The following RBFOX1 variants were observed in gnomAD, a reference collection of about 807,000 sequenced individuals.
RBFOX1 encodes RNA binding fox-1 homolog 1.
A neutral mutation model predicts 57.7 loss-of-function variants in RBFOX1; 8 were observed. The ratio of observed to expected loss-of-function variants is 0.14; its 90% CI spans 0.08 to 0.25. RBFOX1 has a LOEUF of 0.25. Ranked by LOEUF, RBFOX1 falls within the 10% of genes least tolerant of loss-of-function variation. RBFOX1 has a pLI of 1.00. For missense variants in RBFOX1, 611 were observed against 548.5 expected (o/e 1.11, Z -1.14); for synonymous variants, 326 against 222.4 (o/e 1.47, Z -4.15).
intron 3 of RBFOX1, among the ~76,000 whole-genome samples, chr16:6,989,197 C>G (rs533799980): frequency 5.3e-5 from 8 of 152,158 alleles, no homozygotes; most frequent in Admixed American, 1.3e-4. Context: ...TGCTTGGCCT[C>G]TTTTTCCGTT....
chr16:7,311,002 G>C (rs538086090), intron 4 of RBFOX1, among the ~76,000 whole-genome samples: 2 of 152,300 alleles, frequency 1.3e-5, no homozygotes, highest in South Asian at 2.1e-4. Flanking sequence ...TGCCGTGTCC[G>C]GTCTGGAATT....
At chr16:6,954,969 G>T (rs1180306865) in intron 3 of RBFOX1, among the ~76,000 whole-genome samples, 1 of 151,826 alleles carries the variant, frequency 6.6e-6, no homozygotes, top group East Asian at 1.9e-4. Context: ...GGTGGCTCGT[G>T]CCCATAATCT....
At chr16:6,965,129 G>T (rs1457631716) in intron 3 of RBFOX1, among the ~76,000 whole-genome samples, 1 of 152,092 alleles carries the variant, frequency 6.6e-6, no homozygotes, top group African/African-American at 2.4e-5. Flanking sequence ...CTGCCTCCAT[G>T]GTTCTCGGGG....
intron 2 of RBFOX1, among the ~76,000 whole-genome samples, chr16:6,390,997 ATG>A (rs2152932506): frequency 6.6e-6 from 1 of 152,160 alleles, no homozygotes; most frequent in East Asian, 1.9e-4. Flanking sequence ...GTATAGTAAG[ATG>A]TTCAGCAGCC....
intron 3 of RBFOX1, among the ~76,000 whole-genome samples, chr16:6,712,726 C>T (rs1199598884): frequency 2.0e-5 from 3 of 152,088 alleles, no homozygotes; most frequent in Admixed American, 6.5e-5. Flanking sequence ...TCCCCACCTC[C>T]CCTCCTATCA....
At chr16:5,293,021 C>G (rs1265168831) in intron 1 of RBFOX1, among the ~76,000 whole-genome samples, 1 of 152,014 alleles carries the variant, frequency 6.6e-6, no homozygotes, top group African/African-American at 2.4e-5. Context: ...GAAAGTCAAA[C>G]TTCAAATAGA....
At chr16:7,312,500 A>G (rs1453516097) in intron 4 of RBFOX1, among the ~76,000 whole-genome samples, 1 of 152,216 alleles carries the variant, frequency 6.6e-6, no homozygotes, top group Non-Finnish European at 1.5e-5. Flanking sequence ...AACATGATTA[A>G]TACACCCATG....
chr16:6,787,406 A>G (rs1230839883), intron 3 of RBFOX1, among the ~76,000 whole-genome samples: 5 of 152,188 alleles, frequency 3.3e-5, no homozygotes, highest in African/African-American at 9.7e-5. Context: ...AGAAATAGCA[A>G]CAATGCCGTG....
At chr16:7,018,433 A>C (rs1202318527) in intron 3 of RBFOX1, among the ~76,000 whole-genome samples, 1 of 152,076 alleles carries the variant, frequency 6.6e-6, no homozygotes, top group Non-Finnish European at 1.5e-5. Context: ...ATATTGTCTT[A>C]ATTGCTCCTG....
chr16:5,871,085 G>C (rs1296859830), intron 4 of RBFOX1, among the ~76,000 whole-genome samples: 1 of 152,152 alleles, frequency 6.6e-6, no homozygotes, highest in Non-Finnish European at 1.5e-5. Flanking sequence ...ACAGCAAGCT[G>C]TTTGTGCCAA....
At chr16:7,241,840 A>G (rs1210643846) in intron 4 of RBFOX1, among the ~76,000 whole-genome samples, 1 of 151,984 alleles carries the variant, frequency 6.6e-6, no homozygotes, top group East Asian at 1.9e-4. Context: ...CATATATTAA[A>G]TATGTAAATA....
intron 4 of RBFOX1, among the ~76,000 whole-genome samples, chr16:5,871,956 G>T (rs2057485064): frequency 6.6e-6 from 1 of 152,144 alleles, no homozygotes. Context: ...AAACTCAGTG[G>T]CCTTGGGAGA....
At chr16:5,895,692 C>T (rs768386759) in intron 4 of RBFOX1, among the ~76,000 whole-genome samples, 1 of 152,142 alleles carries the variant, frequency 6.6e-6, no homozygotes, top group Non-Finnish European at 1.5e-5. Context: ...TTAGTCTTCT[C>T]ATTTATAACA....
At chr16:5,914,967 C>G (rs1172383776) in intron 4 of RBFOX1, among the ~76,000 whole-genome samples, 7 of 152,138 alleles carry the variant, frequency 4.6e-5, no homozygotes, top group Non-Finnish European at 1.0e-4. Flanking sequence ...AACCCACAGC[C>G]TTTTTATCAC....
Position 6,499,745 on chromosome 16 carries a change from A to G in RBFOX1, c.-63-154858A>G, listed in dbSNP as rs116790062. ...ATTGTGCAATCTCGTAGGGCAAACTATAATTTCACTTGGAATCAGAAAGTC... is the reference window on the plus strand; with the variant it reads ...ATTGTGCAATCTCGTAGGGCAAACTGTAATTTCACTTGGAATCAGAAAGTC... On this transcript the variant is annotated intron_variant, in intron 2 of 15. Coordinates refer to ENST00000550418, the MANE Select transcript of RBFOX1 (RefSeq NM_018723.4). 9.3e-3 allele frequency among the ~76,000 whole-genome samples: 1,412 copies of G among 152,204 alleles called. 14 individuals are homozygous for G. Among genetic ancestry groups the G allele is most frequent in the East Asian group, 0.026 (134 of 5,170 alleles).
At chr16:5,794,318 C>CA (rs2054802142) in intron 3 of RBFOX1, among the ~76,000 whole-genome samples, 1 of 119,216 alleles carries the variant, frequency 8.4e-6, no homozygotes, top group East Asian at 2.5e-4. Context: ...ACCTTCACCT[C>CA]CTTTTTTTCC....
At chr16:6,919,702 G>GAT (rs1301557615) in intron 3 of RBFOX1, among the ~76,000 whole-genome samples, 1 of 150,362 alleles carries the variant, frequency 6.7e-6, no homozygotes, top group African/African-American at 2.4e-5. Flanking sequence ...CATCAGCACT[G>GAT]ATATATTGTA....
chr16:6,204,917 T>A (rs902563425), intron 1 of RBFOX1, among the ~76,000 whole-genome samples: 2 of 152,200 alleles, frequency 1.3e-5, no homozygotes, highest in African/African-American at 4.8e-5. Context: ...CGATTAAGTT[T>A]TGACCCCATA....
At chr16:6,962,553 C>G (rs1222629096) in intron 3 of RBFOX1, among the ~76,000 whole-genome samples, 2 of 152,230 alleles carry the variant, frequency 1.3e-5, no homozygotes, top group East Asian at 1.9e-4. Flanking sequence ...CCTTAAAGTT[C>G]ATTCAATTCA....
Sources: allele counts gnomAD v4.1 joint callset (sites outside exome capture counted in the v4.1 genomes callset), GRCh38; gene constraint gnomAD v4.1.1; transcripts MANE v1.5; gene names NCBI Gene and HGNC (gene_info 2026-07-23, HGNC 2026-07-21).